Variants in ANKRD55 observed in about 807,000 individuals in gnomAD.
ANKRD55 encodes the protein ankyrin repeat domain-containing protein 55.
In ANKRD55, 41 loss-of-function variants were observed where a neutral mutation model predicts 60.6. The ratio of observed to expected loss-of-function variants is 0.68; its 90% confidence interval spans 0.53 to 0.88. The LOEUF (loss-of-function observed/expected upper bound fraction) is 0.88. ANKRD55 is among the 40% of genes least tolerant of loss of function. The probability of loss-of-function intolerance (pLI) is 0.00; values close to 1 mark genes in which losing one functional copy is unlikely to be tolerated. For synonymous variants in ANKRD55, 264 were observed against 290.3 expected, an observed-to-expected ratio of 0.91 and a Z score of 0.92; for missense variants, 732 against 767.6, an observed-to-expected ratio of 0.95 and a Z score of 0.55.
chr5:56,211,312 TTAA>T (rs1323363684), intron 2 of ANKRD55, among the ~76,000 whole-genome samples: 1 of 152,224 alleles, frequency 6.6e-6, no homozygotes, highest in Admixed American at 6.5e-5. Context: ...AGTAACAGTC[TTAA>T]TGATGGCCAG....
Position 56,115,561 on chromosome 5 carries a change from A to G in ANKRD55, c.965+1054T>C, listed in dbSNP as rs114928725. Among the ~76,000 whole-genome samples, 638 of 151,940 alleles carry G rather than the reference A, an allele frequency of 4.2e-3. 1 individual carries two copies. Among genetic ancestry groups the G allele is most frequent in the African/African-American group, 0.014 (585 of 41,470 alleles). ...CTAGCTGAACTTCTGACCTCAGGTG[A>G]TCTACCCGCCTCAACTTCCCAAAGT... is the stretch of plus-strand genomic sequence containing the variant. On this transcript the variant is annotated intron_variant, in intron 9 of 11. Coordinates refer to ENST00000341048, the MANE Select transcript of ANKRD55 (RefSeq NM_024669.3).
chr5:56,173,586 A>G (rs2624977), intron 4 of ANKRD55, among the ~76,000 whole-genome samples: 1 of 114,442 alleles, frequency 8.7e-6, no homozygotes, highest in Non-Finnish European at 1.7e-5. Flanking sequence ...CTCTCTCTAT[A>G]TATATATATA....
chr5:56,139,282 CT>C (rs1480997224), intron 7 of ANKRD55, among the ~76,000 whole-genome samples: 1 of 152,126 alleles, frequency 6.6e-6, no homozygotes, highest in Non-Finnish European at 1.5e-5. Flanking sequence ...ATGAACACCT[CT>C]TTAGGGACCT....
intron 6 of ANKRD55, among the ~76,000 whole-genome samples, chr5:56,153,606 G>A (rs906059978): frequency 2.8e-4 from 43 of 152,244 alleles, no homozygotes; most frequent in African/African-American, 9.2e-4. Flanking sequence ...TTGGGAGGCC[G>A]AGGCAGGTGG....
Position 56,170,726 on chromosome 5 carries a change from T to C in ANKRD55, c.390A>G (p.Pro130=), listed in dbSNP as rs1758592880. ...HNIPDKNGRL[P]LHAATAEPDM... ...CGGGCTCAGCAGTGGCAGCATGCAG[T>C]GGCAGGCGGCCATTTTTATCTGGGA... is the stretch of plus-strand genomic sequence containing the variant. Residue 130 remains proline (P), a synonymous_variant, in exon 5 of 12, where the codon CCA becomes CCG. Coordinates refer to ENST00000341048, the MANE Select transcript of ANKRD55 (RefSeq NM_024669.3). The C allele has an allele frequency of 6.2e-7, 1 of 1,614,036 alleles. No individual in the cohort carries two copies. The highest frequency in any genetic ancestry group is 1.1e-5 in the South Asian group (1 of 91,090).
chr5:56,223,074 A>G (rs1760011349), intron 2 of ANKRD55, among the ~76,000 whole-genome samples: 2 of 152,238 alleles, frequency 1.3e-5, no homozygotes, highest in South Asian at 4.1e-4. Flanking sequence ...AGTTGAAATG[A>G]AGGAAAAAAT....
chr5:56,231,649 GCGCGCACACA>G (rs1561301802), intron 2 of ANKRD55, among the ~76,000 whole-genome samples: 24 of 127,766 alleles, frequency 1.9e-4, no homozygotes, highest in Non-Finnish European at 1.7e-5. Flanking sequence ...CGTTCTGAAG[GCGCGCACACA>G]CACACACACA....
intron 6 of ANKRD55, among the ~76,000 whole-genome samples, chr5:56,147,719 TTTTTTC>T (rs940189171): frequency 2.6e-5 from 4 of 152,178 alleles, no homozygotes; most frequent in African/African-American, 9.7e-5. Flanking sequence ...CCTGCCGCTT[TTTTTTC>T]TTTTTCTTTT....
chr5:56,180,015 A>G (rs1253515748), intron 3 of ANKRD55, among the ~76,000 whole-genome samples: 1 of 152,146 alleles, frequency 6.6e-6, no homozygotes, highest in Non-Finnish European at 1.5e-5. Context: ...TATTTCTTTC[A>G]GTTCTGGAGG....
At chr5:56,112,152 C>T (rs146792500) in intron 9 of ANKRD55, among the ~76,000 whole-genome samples, 20 of 152,142 alleles carry the variant, frequency 1.3e-4, no homozygotes, top group African/African-American at 3.4e-4. Flanking sequence ...TCAGTAGGCA[C>T]GCAAGTTGAA....
intron 2 of ANKRD55, among the ~76,000 whole-genome samples, chr5:56,226,062 C>T (rs1296150269): frequency 2.0e-5 from 3 of 152,198 alleles, no homozygotes; most frequent in East Asian, 3.8e-4. Flanking sequence ...AGAGGCATCA[C>T]GCTACCTGAC....
intron 2 of ANKRD55, among the ~76,000 whole-genome samples, chr5:56,213,689 C>T (rs1759733540): frequency 6.6e-6 from 1 of 152,160 alleles, no homozygotes; most frequent in African/African-American, 2.4e-5. Flanking sequence ...AACAGATAGG[C>T]TGGCTTACGA....
chr5:56,135,677 T>A (rs1486379150), intron 7 of ANKRD55, among the ~76,000 whole-genome samples: 1 of 152,036 alleles, frequency 6.6e-6, no homozygotes, highest in Admixed American at 6.6e-5. Flanking sequence ...TTCCACCACC[T>A]CTTTTCAATA....
intron 9 of ANKRD55, among the ~76,000 whole-genome samples, chr5:56,112,520 A>AAAAAAAAAAT (rs1756762443): frequency 6.6e-6 from 1 of 150,624 alleles, no homozygotes; most frequent in African/African-American, 2.4e-5. Context: ...AAAAAAAAAA[A>AAAAAAAAAAT]AACAACCAAG....
intron 6 of ANKRD55, among the ~76,000 whole-genome samples, chr5:56,155,336 T>C (rs1259243832): frequency 2.0e-5 from 3 of 152,142 alleles, no homozygotes; most frequent in African/African-American, 7.2e-5. Context: ...TATTTCAAAG[T>C]TACTTTCCTT....
At chr5:56,229,686 T>A (rs985347552) in intron 2 of ANKRD55, among the ~76,000 whole-genome samples, 1 of 152,116 alleles carries the variant, frequency 6.6e-6, no homozygotes, top group Non-Finnish European at 1.5e-5. Context: ...AGGGGTTCAG[T>A]CTTACCAAAC....
chr5:56,188,872 A>G (rs1433772602), intron 2 of ANKRD55, among the ~76,000 whole-genome samples: 4 of 152,220 alleles, frequency 2.6e-5, no homozygotes, highest in South Asian at 2.1e-4. Flanking sequence ...TTTTAGCTGG[A>G]AAATTAGCTC....
intron 2 of ANKRD55, among the ~76,000 whole-genome samples, chr5:56,208,129 G>C (rs1011798319): frequency 1.3e-4 from 19 of 151,856 alleles, no homozygotes; most frequent in African/African-American, 4.1e-4. Flanking sequence ...GGCCTACACA[G>C]GGTCAGGATC....
At position 56,135,276 on chromosome 5, in the gene ANKRD55, C is replaced by CCTTCCTTCTT. The variant is rs1561263847; in HGVS notation, c.613-8171_613-8170insAAGAAGGAAG. Among the ~76,000 whole-genome samples, 26 of 93,398 alleles carry CCTTCCTTCTT rather than the reference C, an allele frequency of 2.8e-4. 2 individuals are homozygous for CCTTCCTTCTT. The highest frequency in any genetic ancestry group is 4.4e-4 in the African/African-American group (8 of 18,336). The allele number at this position is 93,398 out of a possible 152,430, so 61.3% of individuals were successfully genotyped here. A position where few individuals can be genotyped will look rare whatever the true frequency, so the allele number is the denominator to read the frequency against. On this transcript the variant is annotated intron_variant, in intron 7 of 11. Coordinates refer to ENST00000341048, the MANE Select transcript of ANKRD55 (RefSeq NM_024669.3). ...CTTCCTTCCTTCTTTCCCTCCCTCC[C>CCTTCCTTCTT]TCCCTGCCTGCCTGCTTGCTTTCTT...
Sources: allele counts gnomAD v4.1 joint callset (sites outside exome capture counted in the v4.1 genomes callset), GRCh38; gene constraint gnomAD v4.1.1; transcripts MANE v1.5; gene names NCBI Gene and HGNC (gene_info 2026-07-23, HGNC 2026-07-21).